MARCHF1: variants seen among roughly 807,000 people sequenced by gnomAD.
The protein encoded by MARCHF1 is membrane associated ring-CH-type finger 1.
In MARCHF1, 40 loss-of-function variants were observed where a neutral mutation model predicts 54.2. That is an observed-to-expected ratio of 0.74 (90% confidence interval 0.57 to 0.96). MARCHF1 has a LOEUF of 0.96. Ranked by LOEUF, MARCHF1 falls within the 40% of genes least tolerant of loss-of-function variation. The pLI, the probability that MARCHF1 is intolerant of heterozygous loss-of-function variation, is 0.00. For missense variants in MARCHF1, 586 were observed against 656.5 expected, an observed-to-expected ratio of 0.89 and a Z score of 1.17; for synonymous variants, 236 against 236.3, an observed-to-expected ratio of 1.00 and a Z score of 0.01.
chr4:163,676,185 CAA>C (rs869219643), intron 5 of MARCHF1, among the ~76,000 whole-genome samples: 1,072 of 89,224 alleles, frequency 0.012, 11 homozygotes, highest in African/African-American at 0.032. Flanking sequence ...ACTAAAAATA[CAA>C]AAAAAAAAAA....
chr4:163,869,127 A>T (rs770546005), intron 3 of MARCHF1, among the ~76,000 whole-genome samples: 2 of 151,952 alleles, frequency 1.3e-5, no homozygotes, highest in Non-Finnish European at 2.9e-5. Context: ...CCAAAAAAAG[A>T]TCTCTAGAGA....
At chr4:164,306,765 T>A (rs909710577) in intron 1 of MARCHF1, among the ~76,000 whole-genome samples, 3 of 152,144 alleles carry the variant, frequency 2.0e-5, no homozygotes, top group Non-Finnish European at 4.4e-5. Flanking sequence ...TTATCACTGA[T>A]CTGGAAAAGA....
chr4:164,342,416 TTAAAAA>T (rs1174519867), intron 1 of MARCHF1, among the ~76,000 whole-genome samples: 1 of 151,886 alleles, frequency 6.6e-6, no homozygotes, highest in Non-Finnish European at 1.5e-5. Flanking sequence ...CCTCAACTAA[TTAAAAA>T]TAAAACTACA....
At chr4:163,686,908 G>C (rs762222521) in intron 5 of MARCHF1, among the ~76,000 whole-genome samples, 13 of 152,094 alleles carry the variant, frequency 8.5e-5, no homozygotes, top group African/African-American at 2.9e-4. Context: ...TATGTTCTCA[G>C]AACAAGTAAG....
At chr4:163,783,717 T>G (rs1747534469) in intron 4 of MARCHF1, among the ~76,000 whole-genome samples, 1 of 152,336 alleles carries the variant, frequency 6.6e-6, no homozygotes, top group Non-Finnish European at 1.5e-5. Flanking sequence ...ACAGGAGCAA[T>G]TGGCTTTTCT....
At chr4:163,647,927 G>A (rs1268158123) in intron 5 of MARCHF1, among the ~76,000 whole-genome samples, 2 of 151,334 alleles carry the variant, frequency 1.3e-5, no homozygotes, top group African/African-American at 4.8e-5. Context: ...TAAAATAATT[G>A]TTGGAAAAAA....
At chr4:164,033,246 C>A (rs1753917086) in intron 2 of MARCHF1, among the ~76,000 whole-genome samples, 1 of 151,400 alleles carries the variant, frequency 6.6e-6, no homozygotes, top group African/African-American at 2.4e-5. Context: ...AATTGGACCC[C>A]TTCCCTATAC....
chr4:164,020,458 T>G (rs1315776738), intron 2 of MARCHF1, among the ~76,000 whole-genome samples: 2 of 152,224 alleles, frequency 1.3e-5, no homozygotes, highest in African/African-American at 4.8e-5. Context: ...TAGTCCTAGA[T>G]CTAAATCAGT....
At chr4:164,139,916 T>G (rs1756486903) in intron 1 of MARCHF1, among the ~76,000 whole-genome samples, 1 of 152,094 alleles carries the variant, frequency 6.6e-6, no homozygotes, top group African/African-American at 2.4e-5. Flanking sequence ...TCATTCAAAT[T>G]TCTGGGAATT....
intron 3 of MARCHF1, among the ~76,000 whole-genome samples, chr4:163,899,325 T>C (rs1225475187): frequency 6.6e-6 from 1 of 152,192 alleles, no homozygotes; most frequent in Non-Finnish European, 1.5e-5. Context: ...TGCCGGATTG[T>C]TAAATTTAAT....
chr4:163,867,738 T>G (rs2111207780), intron 3 of MARCHF1, among the ~76,000 whole-genome samples: 1 of 151,576 alleles, frequency 6.6e-6, no homozygotes, highest in Non-Finnish European at 1.5e-5. Flanking sequence ...AAGTTTAAAA[T>G]ATCACAATTT....
At chr4:164,382,671 C>T (rs1731402357) in intron 1 of MARCHF1, among the ~76,000 whole-genome samples, 1 of 151,898 alleles carries the variant, frequency 6.6e-6, no homozygotes, top group Non-Finnish European at 1.5e-5. Context: ...TGATAGGTAC[C>T]ACCGCTTCCT....
chr4:163,617,554 GT>G (rs372245338), intron 5 of MARCHF1, among the ~76,000 whole-genome samples: 2 of 151,872 alleles, frequency 1.3e-5, no homozygotes, highest in East Asian at 1.9e-4. Flanking sequence ...CTTCATTCAA[GT>G]TTTTTTAAGA....
rs774218235 is a variant in MARCHF1, at chr4:163,585,880, G to A, written c.1060C>T (p.Arg354Cys). The A allele has an allele frequency of 1.1e-5, 17 of 1,613,412 alleles. 1 individual carries two copies. Among genetic ancestry groups the A allele is most frequent in the Middle Eastern group, 1.7e-4 (1 of 5,988 alleles). Residue 354 changes from arginine to cysteine, a missense_variant, in exon 8 of 10, where the codon CGC (arginine) becomes TGC (cysteine). Transcript: ENST00000514618. ...ACAAAGCGCAGTGTCCCAGTGCAGC[G>A]ACAGGGTGTGATGAGGGGGCTCTCT... ...DEESPLITPC[R>C]CTGTLRFVHQ...
At chr4:164,257,515 T>A (rs951345378) in intron 1 of MARCHF1, among the ~76,000 whole-genome samples, 3 of 151,842 alleles carry the variant, frequency 2.0e-5, no homozygotes, top group Non-Finnish European at 4.4e-5. Flanking sequence ...TAAATTACAT[T>A]CTTATCTATT....
chr4:164,277,734 A>G (rs1442698747), intron 1 of MARCHF1, among the ~76,000 whole-genome samples: 1 of 152,240 alleles, frequency 6.6e-6, no homozygotes, highest in African/African-American at 2.4e-5. Context: ...ATTTTAACAA[A>G]TTATATTTCC....
chr4:163,592,679 C>A (rs185715018), intron 7 of MARCHF1, among the ~76,000 whole-genome samples: 1 of 152,192 alleles, frequency 6.6e-6, no homozygotes, highest in African/African-American at 2.4e-5. Flanking sequence ...ATTGGAATTG[C>A]TTCTCTTGGG....
chr4:163,820,410 C>T (rs538019145), intron 4 of MARCHF1, among the ~76,000 whole-genome samples: 3 of 152,142 alleles, frequency 2.0e-5, no homozygotes, highest in East Asian at 3.9e-4. Context: ...ATTTGAAATT[C>T]CCTAGACTTT....
chr4:164,104,134 A>G (rs1325448367), intron 2 of MARCHF1, among the ~76,000 whole-genome samples: 2 of 149,252 alleles, frequency 1.3e-5, no homozygotes, highest in Non-Finnish European at 3.0e-5. Flanking sequence ...TAGCTTACCA[A>G]CCAAAAAGAG....
Sources: gnomAD v4.1 joint callset for allele counts (sites outside exome capture counted in the v4.1 genomes callset) on GRCh38, gnomAD v4.1.1 for gene constraint, MANE v1.5 for transcripts, NCBI Gene and HGNC (gene_info 2026-07-23, HGNC 2026-07-21) for gene names.